PLXNA2: variants seen among roughly 807,000 people sequenced by gnomAD.
PLXNA2 encodes plexin A2.
A neutral mutation model predicts 193.5 loss-of-function variants in PLXNA2; 91 were observed. The observed-to-expected ratio is 0.47, with a 90% CI of 0.40 to 0.56. The LOEUF (loss-of-function observed/expected upper bound fraction) is 0.56. PLXNA2 is among the 20% of genes least tolerant of loss of function. PLXNA2 has a pLI of 0.00. For synonymous variants in PLXNA2, 997 were observed against 1,027.3 expected, an observed-to-expected ratio of 0.97 and a Z score of 0.56; for missense variants, 1,995 against 2,503.2, an observed-to-expected ratio of 0.80 and a Z score of 4.33.
At chr1:208,191,211 G>T (rs1404335673) in intron 3 of PLXNA2, among the ~76,000 whole-genome samples, 2 of 152,218 alleles carry the variant, frequency 1.3e-5, no homozygotes, top group Non-Finnish European at 2.9e-5. Flanking sequence ...CGGAGGTCCT[G>T]CCTCACGCGG....
chr1:208,220,982 A>G (rs1051561487), intron 1 of PLXNA2, among the ~76,000 whole-genome samples: 2 of 152,164 alleles, frequency 1.3e-5, no homozygotes, highest in Admixed American at 6.5e-5. Flanking sequence ...ACAAGTCCCA[A>G]TATAGCCTCT....
intron 2 of PLXNA2, among the ~76,000 whole-genome samples, chr1:208,215,011 A>G (rs1159648989): frequency 6.7e-6 from 1 of 149,708 alleles, no homozygotes; most frequent in African/African-American, 2.5e-5. Flanking sequence ...GAGACTAGTG[A>G]TCATGTCTTT....
At chr1:208,107,784 G>A (rs1457394577) in intron 4 of PLXNA2, among the ~76,000 whole-genome samples, 1 of 152,018 alleles carries the variant, frequency 6.6e-6, no homozygotes, top group African/African-American at 2.4e-5. Flanking sequence ...CTGGGATCTG[G>A]GGGTGGCTGG....
chr1:208,215,358 T>G (rs1671092081), intron 2 of PLXNA2, among the ~76,000 whole-genome samples: 1 of 152,172 alleles, frequency 6.6e-6, no homozygotes, highest in Admixed American at 6.5e-5. Context: ...TCAGAAGATC[T>G]TCAATACTAC....
At chr1:208,234,167 A>C (rs1572061665) in intron 1 of PLXNA2, among the ~76,000 whole-genome samples, 1 of 152,064 alleles carries the variant, frequency 6.6e-6, no homozygotes, top group East Asian at 1.9e-4. Context: ...ATATCCTAGC[A>C]ATTGGAGGGC....
intron 3 of PLXNA2, among the ~76,000 whole-genome samples, chr1:208,147,541 C>T (rs1330238598): frequency 6.6e-6 from 1 of 152,166 alleles, no homozygotes; most frequent in Non-Finnish European, 1.5e-5. Flanking sequence ...ATAATAGCTA[C>T]CACAGTGCTA....
chr1:208,079,524 G>A (rs1352150954), intron 11 of PLXNA2, 74 bp from the exon 12 acceptor site: 3 of 1,069,454 alleles, frequency 2.8e-6, no homozygotes, highest in Non-Finnish European at 2.7e-6. Flanking sequence ...TTGCAGGTGT[G>A]ATAGAAATGA....
Position 208,217,603 on chromosome 1 carries a change from A to T in PLXNA2, c.320T>A (p.Leu107His). The T allele has an allele frequency of 6.2e-7, 1 of 1,614,080 alleles. No individual in the cohort carries two copies. The highest frequency in any genetic ancestry group is 1.7e-5 in the Admixed American group (1 of 60,022). ...PLIVQPCSEVLTLTNNVNKLL... is the reference protein window; with the variant it reads ...PLIVQPCSEVHTLTNNVNKLL... ...CTTGTTGACATTGTTGGTGAGGGTG[A>T]GCACTTCGCTGCAGGGCTGCACGAT... The change falls in exon 2 of 32, where the codon CTC becomes CAC. Residue 107 changes from leucine to histidine, a missense_variant. Leu to His is a moderately conservative substitution (Grantham distance 99, BLOSUM62 -3). Transcript: ENST00000367033. This position sits in a 1 kb window ranked among gnomAD's most constrained non-coding sequence, Gnocchi z 4.7.
intron 12 of PLXNA2, among the ~76,000 whole-genome samples, chr1:208,065,135 G>A (rs754423301): frequency 2.6e-5 from 4 of 152,216 alleles, no homozygotes; most frequent in Non-Finnish European, 4.4e-5. Context: ...TCCCACAGAG[G>A]TGAGGATGAG....
chr1:208,215,167 T>G (rs192392708), intron 2 of PLXNA2, among the ~76,000 whole-genome samples: 121 of 152,232 alleles, frequency 7.9e-4, no homozygotes, highest in African/African-American at 2.6e-3. Context: ...AGCTAATTTT[T>G]GGAATTTTTG....
intron 3 of PLXNA2, among the ~76,000 whole-genome samples, chr1:208,163,148 T>A (rs1669184907): frequency 6.6e-6 from 1 of 152,004 alleles, no homozygotes; most frequent in South Asian, 2.1e-4. Context: ...TTGGCAAAGC[T>A]GGAAGAACAG....
intron 10 of PLXNA2, among the ~76,000 whole-genome samples, chr1:208,083,544 T>C (rs777174810): frequency 6.6e-6 from 1 of 151,854 alleles, no homozygotes; most frequent in Non-Finnish European, 1.5e-5. Flanking sequence ...ATTCTATCTA[T>C]CAAGCGCCTG....
At chr1:208,195,263 C>T (rs933977373) in intron 3 of PLXNA2, among the ~76,000 whole-genome samples, 7 of 152,176 alleles carry the variant, frequency 4.6e-5, no homozygotes, top group Non-Finnish European at 7.3e-5. Context: ...TTGACAGGTT[C>T]TGATCACAGT....
intron 3 of PLXNA2, among the ~76,000 whole-genome samples, chr1:208,204,292 C>T (rs1030931063): frequency 6.6e-6 from 1 of 152,158 alleles, no homozygotes; most frequent in African/African-American, 2.4e-5. Context: ...TTCCTGCTTC[C>T]CCTGTTATAC....
At chr1:208,101,634 G>A (rs1335565131) in intron 5 of PLXNA2, among the ~76,000 whole-genome samples, 1 of 152,214 alleles carries the variant, frequency 6.6e-6, no homozygotes, top group Non-Finnish European at 1.5e-5. Context: ...TGCGGCAGCG[G>A]GGAGGCCCAG....
intron 1 of PLXNA2, among the ~76,000 whole-genome samples, chr1:208,221,845 A>C (rs2102621756): frequency 6.6e-6 from 1 of 152,320 alleles, no homozygotes; most frequent in Non-Finnish European, 1.5e-5. Context: ...CTCTGAACTT[A>C]GGTGCCTGGA....
chr1:208,084,325 C>A, intron 10 of PLXNA2, 55 bp downstream of exon 10: 2 of 1,577,860 alleles, frequency 1.3e-6, no homozygotes, highest in Non-Finnish European at 1.7e-6. Context: ...GAGGCCCCAG[C>A]ACGAGTGTGA....
intron 1 of PLXNA2, among the ~76,000 whole-genome samples, chr1:208,220,734 A>C (rs1460029200): frequency 1.3e-5 from 2 of 151,706 alleles, no homozygotes; most frequent in Non-Finnish European, 2.9e-5. Context: ...GAGCCACTGC[A>C]CCTGGCCTGT....
At chr1:208,137,739 G>A (rs534081722) in intron 4 of PLXNA2, among the ~76,000 whole-genome samples, 1 of 152,146 alleles carries the variant, frequency 6.6e-6, no homozygotes, top group Admixed American at 6.5e-5. Flanking sequence ...TGACACTAAC[G>A]ACCCAACACT....
Sources: allele counts gnomAD v4.1 joint callset (sites outside exome capture counted in the v4.1 genomes callset), GRCh38; gene constraint gnomAD v4.1.1; non-coding constraint Gnocchi (gnomAD v3.1); transcripts MANE v1.5; gene names NCBI Gene and HGNC (gene_info 2026-07-23, HGNC 2026-07-21).